DOCK1: variants seen among roughly 807,000 people sequenced by gnomAD.
The protein encoded by DOCK1 is dedicator of cytokinesis protein 1.
A neutral mutation model predicts 262.7 loss-of-function variants in DOCK1; 138 were observed. The observed-to-expected ratio is 0.53, with a 90% confidence interval of 0.46 to 0.61. The LOEUF is 0.61. Among genes scored for constraint, DOCK1 ranks in the 20% least tolerant of loss-of-function variants. The pLI, the probability that DOCK1 is intolerant of heterozygous loss-of-function variation, is 0.00. For missense variants in DOCK1, 1,908 were observed against 2,370.7 expected, an observed-to-expected ratio of 0.80 and a Z score of 4.05; for synonymous variants, 866 against 867.4, an observed-to-expected ratio of 1.00 and a Z score of 0.03.
intron 31 of DOCK1, among the ~76,000 whole-genome samples, chr10:127,352,579 T>C (rs1020968660): frequency 6.6e-6 from 1 of 152,030 alleles, no homozygotes; most frequent in Non-Finnish European, 1.5e-5. Context: ...ACTGATGAAG[T>C]TCAGCCTAGC....
chr10:127,044,906 T>C lies in DOCK1; in HGVS notation c.2201+1742T>C, dbSNP rs539093038. 5.9e-5 allele frequency among the ~76,000 whole-genome samples: 9 copies of C among 152,146 alleles called. 1 individual carries two copies. In the South Asian group the frequency reaches 1.9e-3, roughly 32 times the overall value. ...TGTGATGGGACTGAGATAAGAATAG[T>C]ATCCTCATGGCCGGGTGGAGTGGCT... On this transcript the variant is annotated intron_variant, in intron 21 of 51. Transcript: ENST00000623213.
chr10:127,359,975 G>A (rs1350317130), intron 32 of DOCK1, among the ~76,000 whole-genome samples: 2 of 152,168 alleles, frequency 1.3e-5, no homozygotes, highest in African/African-American at 4.8e-5. Context: ...TCTGTTATAT[G>A]TTGGAAATGA....
intron 29 of DOCK1, among the ~76,000 whole-genome samples, chr10:127,278,802 TAGAA>T (rs775167409): frequency 5.3e-5 from 8 of 152,364 alleles, no homozygotes; most frequent in South Asian, 2.1e-4. Flanking sequence ...GTTTATCAAA[TAGAA>T]AGAGCTTCCT....
intron 30 of DOCK1, among the ~76,000 whole-genome samples, chr10:127,340,534 A>G (rs965605453): frequency 1.3e-5 from 2 of 152,166 alleles, no homozygotes; most frequent in East Asian, 1.9e-4. Flanking sequence ...GGTGTTTACA[A>G]TCACAGGCTG....
At chr10:127,358,459 C>T (rs551223901) in intron 32 of DOCK1, among the ~76,000 whole-genome samples, 5 of 152,300 alleles carry the variant, frequency 3.3e-5, no homozygotes, top group African/African-American at 4.8e-5. Context: ...TTTATCAAAG[C>T]GCACTCTGTG....
chr10:127,278,316 G>A (rs1271598596), intron 29 of DOCK1, among the ~76,000 whole-genome samples: 1 of 152,028 alleles, frequency 6.6e-6, no homozygotes, highest in Non-Finnish European at 1.5e-5. Context: ...GGTACAGTAA[G>A]GCAGCCACTC....
intron 29 of DOCK1, among the ~76,000 whole-genome samples, chr10:127,278,822 G>A (rs944051900): frequency 4.6e-5 from 7 of 152,240 alleles, no homozygotes; most frequent in African/African-American, 1.7e-4. Flanking sequence ...TTCCTTCTGT[G>A]TGACAAGCAG....
intron 33 of DOCK1, among the ~76,000 whole-genome samples, chr10:127,368,700 C>G (rs1301978367): frequency 6.6e-6 from 1 of 152,160 alleles, no homozygotes; most frequent in Non-Finnish European, 1.5e-5. Flanking sequence ...TGAGCCCTCT[C>G]CTGGCCTTAA....
chr10:127,012,154 A>G lies in DOCK1; in HGVS notation c.1059-78A>G, dbSNP rs2041504373. 1.3e-6 allele frequency: 1 copy of G among 759,584 alleles called. No individual in the cohort carries two copies. The highest frequency in any genetic ancestry group is 2.1e-5 in the Admixed American group (1 of 48,426). 47.1% of individuals were successfully genotyped at this position (759,584 alleles called of 1,614,324 possible). On this transcript the variant is annotated intron_variant, in intron 11 of 51. Transcript: ENST00000623213. The surrounding 1 kb of genome is among the most constrained non-coding windows in gnomAD (Gnocchi z 4.0). Reference sequence around the variant, plus strand: ...TCGCACTCGGTGACGATGATCTCTTATGTTCCCTTGTTACCGTGGCCCATG... The same window carrying G: ...TCGCACTCGGTGACGATGATCTCTTGTGTTCCCTTGTTACCGTGGCCCATG...
At chr10:127,327,641 C>A (rs1443738650) in intron 29 of DOCK1, among the ~76,000 whole-genome samples, 1 of 152,190 alleles carries the variant, frequency 6.6e-6, no homozygotes, top group African/African-American at 2.4e-5. Context: ...CTTCGGAGAC[C>A]TCTTTGGAAA....
At chr10:127,380,191 C>A in intron 36 of DOCK1, 69 bp downstream of exon 36, 1 of 1,223,760 alleles carries the variant, frequency 8.2e-7, no homozygotes, top group Non-Finnish European at 1.1e-6. Context: ...TTTACGTATG[C>A]TAAGAAATGT....
chr10:127,383,978 T>C (rs877747), intron 37 of DOCK1, among the ~76,000 whole-genome samples: 114,107 of 152,000 alleles, frequency 0.75, 42,998 homozygotes, highest in African/African-American at 0.82. Flanking sequence ...TGCAGTAGCC[T>C]GGTCCTAGCT....
intron 10 of DOCK1, 62 bp from the exon 11 acceptor site, chr10:127,008,670 G>T: frequency 7.3e-7 from 1 of 1,366,138 alleles, no homozygotes. Context: ...TCCTTTGTTT[G>T]TTTGTGTTCT....
At chr10:127,252,648 T>C (rs1047499034) in intron 28 of DOCK1, among the ~76,000 whole-genome samples, 2 of 151,146 alleles carry the variant, frequency 1.3e-5, no homozygotes, top group African/African-American at 4.9e-5. Context: ...TAGGGAATCC[T>C]TTCCCCATTG....
intron 29 of DOCK1, among the ~76,000 whole-genome samples, chr10:127,266,480 A>AACACACACACACACAC (rs68190118): frequency 1.1e-3 from 161 of 149,286 alleles, no homozygotes; most frequent in African/African-American, 1.4e-3. Flanking sequence ...TAAGTACCAA[A>AACACACACACACACAC]ACACACACAC....
chr10:127,447,578 T>C (rs1233969966), intron 51 of DOCK1, 33 bp downstream of exon 51: 1 of 1,609,570 alleles, frequency 6.2e-7, no homozygotes, highest in Non-Finnish European at 8.5e-7. Context: ...AGGCTTTCAT[T>C]GCTTCGCCTC....
At chr10:127,418,298 C>T (rs1258572910) in intron 44 of DOCK1, 67 bp from the exon 45 acceptor site, 7 of 1,472,320 alleles carry the variant, frequency 4.8e-6, no homozygotes, top group Non-Finnish European at 6.4e-6. Context: ...CACGTGGCTC[C>T]TCTGGTGAGA....
At chr10:127,149,283 G>A (rs1225639333) in intron 27 of DOCK1, among the ~76,000 whole-genome samples, 1 of 152,172 alleles carries the variant, frequency 6.6e-6, no homozygotes, top group Non-Finnish European at 1.5e-5. Context: ...GAGAAGCTCA[G>A]CCCTAACCTT....
At chr10:126,950,193 C>G (rs1215818397) in intron 1 of DOCK1, among the ~76,000 whole-genome samples, 6 of 152,156 alleles carry the variant, frequency 3.9e-5, no homozygotes, top group African/African-American at 1.2e-4. Flanking sequence ...GCTAATAGCT[C>G]TCATTACAGC....
Sources: allele counts gnomAD v4.1 joint callset (sites outside exome capture counted in the v4.1 genomes callset), GRCh38; gene constraint gnomAD v4.1.1; non-coding constraint Gnocchi (gnomAD v3.1); transcripts MANE v1.5; gene names NCBI Gene and HGNC (gene_info 2026-07-23, HGNC 2026-07-21).